Variants in CNTN4 observed in about 807,000 individuals in gnomAD.
CNTN4 encodes the protein contactin 4, also known as contactin-4.
CNTN4 carries 77 observed loss-of-function variants against 122.5 expected under a neutral mutation model. The ratio of observed to expected loss-of-function variants is 0.63; its 90% confidence interval spans 0.52 to 0.76. The LOEUF (loss-of-function observed/expected upper bound fraction) is 0.76. Ranked by LOEUF, CNTN4 falls within the 30% of genes least tolerant of loss-of-function variation. CNTN4 has a pLI of 0.00. For missense variants in CNTN4, 1,256 were observed against 1,259.1 expected (o/e 1.00, Z 0.04); for synonymous variants, 512 against 447.0 (o/e 1.15, Z -1.83).
chr3:2,651,690 ATTTTTTTTC>A (rs1482165433), intron 4 of CNTN4, among the ~76,000 whole-genome samples: 6 of 148,986 alleles, frequency 4.0e-5, no homozygotes, highest in South Asian at 2.1e-4. Context: ...CATCTCTACA[ATTTTTTTTC>A]TTTTTTTTCT....
At chr3:3,047,466 A>G (rs1392865674) in intron 23 of CNTN4, among the ~76,000 whole-genome samples, 2 of 152,076 alleles carry the variant, frequency 1.3e-5, no homozygotes, top group Middle Eastern at 3.4e-3. Flanking sequence ...ACTCAGGATT[A>G]AGAAACTCAC....
intron 6 of CNTN4, among the ~76,000 whole-genome samples, chr3:2,776,892 T>C (rs1394603325): frequency 2.0e-5 from 3 of 152,180 alleles, no homozygotes; most frequent in African/African-American, 7.2e-5. Context: ...ATGCAGAGAC[T>C]CTGTGTGAGG....
intron 2 of CNTN4, among the ~76,000 whole-genome samples, chr3:2,297,833 C>T (rs575672518): frequency 3.9e-5 from 6 of 152,284 alleles, no homozygotes; most frequent in Non-Finnish European, 8.8e-5. Flanking sequence ...TGGGCTCAAG[C>T]AGTCCTCCCA....
At chr3:2,416,183 C>G (rs139588890) in intron 3 of CNTN4, among the ~76,000 whole-genome samples, 140 of 151,968 alleles carry the variant, frequency 9.2e-4, no homozygotes, top group African/African-American at 3.3e-3. Flanking sequence ...AAGTTATAAG[C>G]TTATTTCCTC....
intron 4 of CNTN4, among the ~76,000 whole-genome samples, chr3:2,630,235 G>C (rs1173715984): frequency 1.3e-5 from 2 of 152,162 alleles, no homozygotes; most frequent in Non-Finnish European, 2.9e-5. Flanking sequence ...AGGAGTTCAA[G>C]ACCAGCCTGG....
chr3:2,741,815 C>G (rs1413068422), intron 5 of CNTN4, among the ~76,000 whole-genome samples: 1 of 152,176 alleles, frequency 6.6e-6, no homozygotes, highest in East Asian at 1.9e-4. Context: ...ATTAACATTG[C>G]TTTTGTAACA....
At chr3:2,433,699 C>T (rs746594321) in intron 3 of CNTN4, among the ~76,000 whole-genome samples, 2 of 152,112 alleles carry the variant, frequency 1.3e-5, no homozygotes, top group Non-Finnish European at 2.9e-5. Flanking sequence ...TTTGCCCAGA[C>T]CAATGTTGCG....
intron 2 of CNTN4, among the ~76,000 whole-genome samples, chr3:2,116,563 C>T (rs1025031793): frequency 5.3e-5 from 8 of 152,124 alleles, no homozygotes; most frequent in East Asian, 1.9e-4. Context: ...CAGGTTTGAG[C>T]GCTAAAGCAT....
At chr3:2,542,529 TA>T (rs902695472) in intron 3 of CNTN4, among the ~76,000 whole-genome samples, 79 of 152,254 alleles carry the variant, frequency 5.2e-4, no homozygotes, top group African/African-American at 1.8e-3. Flanking sequence ...TTTCTATTCC[TA>T]ACAGTGTGCC....
intron 2 of CNTN4, among the ~76,000 whole-genome samples, chr3:2,104,177 T>C (rs988538742): frequency 1.3e-5 from 2 of 152,088 alleles, no homozygotes; most frequent in Admixed American, 6.6e-5. Context: ...TGCTTTTTTT[T>C]CTGAACTCCT....
intron 2 of CNTN4, among the ~76,000 whole-genome samples, chr3:2,146,752 CTTACCT>C (rs1453013716): frequency 1.3e-5 from 2 of 152,150 alleles, no homozygotes; most frequent in African/African-American, 2.4e-5. Flanking sequence ...TATATGTCAC[CTTACCT>C]ATAAAATGGT....
intron 7 of CNTN4, among the ~76,000 whole-genome samples, chr3:2,830,379 G>C (rs2093078184): frequency 1.3e-5 from 2 of 152,188 alleles, no homozygotes; most frequent in Non-Finnish European, 2.9e-5. Context: ...AAACACATTA[G>C]TACCGAAAGG....
At position 2,256,205 on chromosome 3, in the gene CNTN4, T is replaced by C. The variant is rs377020606; in HGVS notation, c.-144-82973T>C. On this transcript the variant is annotated intron_variant, in intron 2 of 24. Coordinates refer to ENST00000418658, the MANE Select transcript of CNTN4 (RefSeq NM_175607.3). ...AGAAAATCTGGAAGAAATGTATAAATTCCTGGACACATACACCCTCCCAAG... is the reference window on the plus strand; with the variant it reads ...AGAAAATCTGGAAGAAATGTATAAACTCCTGGACACATACACCCTCCCAAG... Among the ~76,000 whole-genome samples, 9 of 152,248 alleles carry C rather than the reference T, an allele frequency of 5.9e-5. No homozygotes were observed. In the East Asian group the frequency reaches 1.7e-3, roughly 29 times the overall value.
intron 4 of CNTN4, among the ~76,000 whole-genome samples, chr3:2,594,879 T>G (rs76699316): frequency 0.021 from 3,261 of 152,306 alleles, 191 homozygotes; most frequent in East Asian, 0.18. Context: ...AATAATCAAT[T>G]TTGCATTATT....
chr3:2,536,037 G>T (rs1489021889), intron 3 of CNTN4, among the ~76,000 whole-genome samples: 1 of 152,106 alleles, frequency 6.6e-6, no homozygotes, highest in African/African-American at 2.4e-5. Flanking sequence ...GTGTCACAAA[G>T]AAAAGTAGTA....
chr3:2,108,066 T>G (rs1412099728), intron 2 of CNTN4, among the ~76,000 whole-genome samples: 1 of 152,174 alleles, frequency 6.6e-6, no homozygotes, highest in Non-Finnish European at 1.5e-5. Context: ...GATGATGCTT[T>G]CTTTTCCAGC....
chr3:2,895,782 C>T (rs867750545), intron 10 of CNTN4, among the ~76,000 whole-genome samples: 5 of 152,212 alleles, frequency 3.3e-5, no homozygotes, highest in Non-Finnish European at 7.3e-5. Context: ...CGCCTGTCAT[C>T]CCAGCACTTT....
intron 2 of CNTN4, among the ~76,000 whole-genome samples, chr3:2,274,780 C>T (rs1298199743): frequency 6.6e-6 from 1 of 152,170 alleles, no homozygotes; most frequent in African/African-American, 2.4e-5. Context: ...AGTTTACTGT[C>T]AAGCTTCCGA....
At chr3:2,807,752 C>G (rs1206743997) in intron 6 of CNTN4, among the ~76,000 whole-genome samples, 2 of 152,050 alleles carry the variant, frequency 1.3e-5, no homozygotes, top group African/African-American at 4.8e-5. Context: ...GTTCAAAATC[C>G]TGAAACTGAG....
Sources: gnomAD v4.1 joint callset for allele counts (sites outside exome capture counted in the v4.1 genomes callset) on GRCh38, gnomAD v4.1.1 for gene constraint, MANE v1.5 for transcripts, NCBI Gene and HGNC (gene_info 2026-07-23, HGNC 2026-07-21) for gene names.